Variants in COL5A1 observed in about 807,000 individuals in gnomAD.
COL5A1 encodes the protein collagen type V alpha 1 chain.
COL5A1 carries 16 observed loss-of-function variants against 263.7 expected under a neutral mutation model. The observed-to-expected ratio is 0.06, with a 90% confidence interval of 0.04 to 0.09. COL5A1 has a LOEUF of 0.09. Ranked by LOEUF, COL5A1 falls within the 10% of genes least tolerant of loss-of-function variation. The pLI is 1.00. For missense variants in COL5A1, 2,036 were observed against 2,540.5 expected (o/e 0.80, Z 4.27); for synonymous variants, 1,012 against 1,004.5 (o/e 1.01, Z -0.14).
rs863223480 is a variant in COL5A1 at position 134,824,663 on chromosome 9, G to A, written c.4762G>A (p.Asp1588Asn). Residue 1588 changes from aspartate (D) to asparagine (N), a missense_variant, in exon 62 of 66, where the codon GAC (aspartate) becomes AAC (asparagine). Physicochemically the swap from Asp to Asn is conservative, Grantham distance 23. Around this residue, in one of 3 missense-constraint regions of COL5A1, gnomAD observed 358 missense variants for 384.6 expected, o/e 0.93. Coordinates refer to ENST00000371817, the MANE Select transcript of COL5A1 (RefSeq NM_000093.5). ...GGCATCCAGGACGCGGCGGAACATC[G>A]ACGCCAGCCAGCTGCTGGACGACGG... Reference protein sequence around the residue: ...IQASRTRRNIDASQLLDDGNG... With the variant: ...IQASRTRRNINASQLLDDGNG... 13 of 1,614,042 alleles carry A rather than the reference G, an allele frequency of 8.1e-6. No homozygotes were observed. The East Asian group carries it at 8.9e-5, about 11-fold the overall frequency.
chr9:134,747,059 G>T (rs901825687), intron 11 of COL5A1, among the ~76,000 whole-genome samples: 2 of 152,230 alleles, frequency 1.3e-5, no homozygotes, highest in Non-Finnish European at 2.9e-5. Flanking sequence ...CTAAGTGATA[G>T]CAAATGCAGG....
Position 134,802,918 on chromosome 9 carries a change from G to T in COL5A1, c.3037G>T (p.Glu1013Ter). Residue 1013 changes from glutamate to a stop codon, truncating the protein, a stop_gained, in exon 39 of 66, where the codon GAG becomes TAG. Transcript: ENST00000371817. LOFTEE classifies it high-confidence loss of function. ...CACGGGAGAAACGGGCCCAATGGGT[G>T]AGCGTGGCCACCCTGGGCCCCCTGG... The part of the protein sequence containing the change: ...GPTGETGPMG[E>*]RGHPGPPGPP... The T allele has an allele frequency of 6.2e-7, 1 of 1,612,472 alleles. No homozygotes were observed. The highest frequency in any genetic ancestry group is 1.1e-5 in the South Asian group (1 of 90,732).
intron 39 of COL5A1, 137 bp downstream of exon 39, chr9:134,803,132 A>G (rs780212874): frequency 5.1e-6 from 4 of 779,432 alleles, no homozygotes; most frequent in Non-Finnish European, 8.9e-6. Flanking sequence ...CACTCCCCAG[A>G]CCGCACGTTT....
At chr9:134,798,296 T>C (rs1837988441) in intron 36 of COL5A1, 112 bp from the exon 37 acceptor site, 2 of 951,850 alleles carry the variant, frequency 2.1e-6, no homozygotes, top group African/African-American at 1.6e-5. Flanking sequence ...TCTCAGAGGA[T>C]GTGCAGGGGC....
At chr9:134,785,142 C>T (rs755202317) in intron 30 of COL5A1, 46 bp downstream of exon 30, 29 of 1,501,094 alleles carry the variant, frequency 1.9e-5, no homozygotes, top group Non-Finnish European at 2.6e-5. Context: ...AGGGATCTGA[C>T]AGGCCCTTCC....
At chr9:134,763,505 G>A (rs554757228) in intron 19 of COL5A1, among the ~76,000 whole-genome samples, 188 bp from the exon 20 acceptor site, 1 of 152,250 alleles carries the variant, frequency 6.6e-6, no homozygotes, top group African/African-American at 2.4e-5. Context: ...TTCACCTGCA[G>A]TGTCTGCACA....
chr9:134,770,028 C>A (rs1202911378), intron 25 of COL5A1, among the ~76,000 whole-genome samples: 2 of 152,164 alleles, frequency 1.3e-5, no homozygotes, highest in African/African-American at 4.8e-5. Context: ...TTAAGGTGTC[C>A]CTTCCCCAGC....
chr9:134,820,931 G>A (rs975562643), intron 58 of COL5A1, among the ~76,000 whole-genome samples: 7 of 152,238 alleles, frequency 4.6e-5, no homozygotes, highest in East Asian at 1.9e-4. Flanking sequence ...GCCCACCCAC[G>A]CCCATGCCTC....
rs202141080 is a variant in COL5A1, at chr9:134,812,592, T to A, written c.3745-13T>A. The A allele has an allele frequency of 1.2e-6, 2 of 1,609,418 alleles. No homozygotes were observed. Among genetic ancestry groups the A allele is most frequent in the East Asian group, 4.5e-5 (2 of 44,810 alleles). On this transcript the variant is annotated splice_polypyrimidine_tract_variant and intron_variant, in intron 47 of 65. Transcript: ENST00000371817. ...CGTTTCCTCTGGGCTCAGTGGTCTCTCCCTTTTCCTAGGGCCCCCCGGGTC... is the reference window on the plus strand; with the variant it reads ...CGTTTCCTCTGGGCTCAGTGGTCTCACCCTTTTCCTAGGGCCCCCCGGGTC...
chr9:134,820,308 A>G (rs1838942945), intron 58 of COL5A1, 85 bp downstream of exon 58: 1 of 1,074,428 alleles, frequency 9.3e-7, no homozygotes, highest in Non-Finnish European at 1.4e-6. Context: ...CAGGAGGCCC[A>G]TCAGAGCCCG....
At position 134,821,619 on chromosome 9, in the gene COL5A1, T is replaced by C. The variant is rs1839004092; in HGVS notation, c.4555-478T>C. 6.6e-6 allele frequency among the ~76,000 whole-genome samples: 1 copy of C among 152,070 alleles called. No individual in the cohort carries two copies. The highest frequency in any genetic ancestry group is 1.5e-5 in the Non-Finnish European group (1 of 68,010). On this transcript the variant is annotated intron_variant, in intron 58 of 65. Transcript: ENST00000371817. The surrounding 1 kb of genome is among the most constrained non-coding windows in gnomAD (Gnocchi z 4.2). ...GAGCGGAGGTTCCACGCTCCAAGGATGCAGAAAGCACATTTACAGGCAGGA... is the reference window on the plus strand; with the variant it reads ...GAGCGGAGGTTCCACGCTCCAAGGACGCAGAAAGCACATTTACAGGCAGGA...
At chr9:134,812,005 CAGAG>C (rs745375192) in intron 46 of COL5A1, among the ~76,000 whole-genome samples, 2 of 152,212 alleles carry the variant, frequency 1.3e-5, no homozygotes, top group Non-Finnish European at 2.9e-5. Flanking sequence ...TGTCATAAGT[CAGAG>C]AGAAAGTTTG....
At chr9:134,663,709 C>T (rs1009770470) in intron 1 of COL5A1, among the ~76,000 whole-genome samples, 8 of 152,178 alleles carry the variant, frequency 5.3e-5, no homozygotes, top group African/African-American at 1.2e-4. Flanking sequence ...GGATGGGGAA[C>T]GCCTAGACCA....
chr9:134,750,711 G>C, intron 12 of COL5A1, 79 bp from the exon 13 acceptor site: 1 of 1,595,602 alleles, frequency 6.3e-7, no homozygotes, highest in Non-Finnish European at 8.6e-7. Flanking sequence ...GGAGAGGCCT[G>C]TGGGCCCCGT....
intron 41 of COL5A1, among the ~76,000 whole-genome samples, chr9:134,805,602 C>T (rs1838266972): frequency 6.6e-6 from 1 of 152,194 alleles, no homozygotes; most frequent in South Asian, 2.1e-4. Context: ...ACGCTAAAGC[C>T]AGGCTGCCCA....
At chr9:134,796,148 G>A (rs1286900175) in intron 34 of COL5A1, among the ~76,000 whole-genome samples, 2 of 152,210 alleles carry the variant, frequency 1.3e-5, no homozygotes, top group Non-Finnish European at 2.9e-5. Context: ...GTCCAGCCTT[G>A]TAGACACTGG....
rs146638949 is a variant in COL5A1 at position 134,703,503 on chromosome 9, C to T, written c.654+2170C>T. On this transcript the variant is annotated intron_variant, in intron 4 of 65. Coordinates refer to ENST00000371817, the MANE Select transcript of COL5A1 (RefSeq NM_000093.5). Reference sequence around the variant, plus strand: ...AAAACATTGGTCACAGTAAGGCTACCTGCACAGCTGCAGGGGAGGTTCTGG... The same window carrying T: ...AAAACATTGGTCACAGTAAGGCTACTTGCACAGCTGCAGGGGAGGTTCTGG... Among the ~76,000 whole-genome samples, 1,343 of 152,256 alleles carry T rather than the reference C, an allele frequency of 8.8e-3. 20 individuals are homozygous for T. Among genetic ancestry groups the T allele is most frequent in the African/African-American group, 0.03 (1,240 of 41,532 alleles).
intron 25 of COL5A1, among the ~76,000 whole-genome samples, chr9:134,772,026 G>C (rs1836880309): frequency 6.6e-6 from 1 of 152,198 alleles, no homozygotes; most frequent in Non-Finnish European, 1.5e-5. Context: ...GGCCCAGGCA[G>C]GCAGGAGACA....
chr9:134,825,728 C>T (rs538168334), intron 62 of COL5A1, 64 bp from the exon 63 acceptor site: 61 of 1,112,974 alleles, frequency 5.5e-5, no homozygotes, highest in Admixed American at 5.3e-4. Context: ...CAGCGGCTTC[C>T]GGAACCATCC....
Sources: gnomAD v4.1 joint callset for allele counts (sites outside exome capture counted in the v4.1 genomes callset) on GRCh38, gnomAD v4.1.1 for gene constraint, gnomAD v4.1.1 regional missense constraint, Gnocchi (gnomAD v3.1) non-coding constraint, MANE v1.5 for transcripts, NCBI Gene and HGNC (gene_info 2026-07-23, HGNC 2026-07-21) for gene names.